The following FSIP2 variants were observed in gnomAD, a reference collection of about 807,000 sequenced individuals.
FSIP2 encodes the protein fibrous sheath interacting protein 2, also known as fibrous sheath-interacting protein 2.
A neutral mutation model predicts 510.5 loss-of-function variants in FSIP2; 367 were observed. The observed-to-expected ratio is 0.72, with a 90% CI of 0.66 to 0.78. FSIP2 has a LOEUF of 0.78. Among genes scored for constraint, FSIP2 ranks in the 30% least tolerant of loss-of-function variants. FSIP2 has a pLI of 0.00. For synonymous variants in FSIP2, 2,601 were observed against 2,732.2 expected (o/e 0.95, Z 1.50); for missense variants, 7,594 against 7,901.7 (o/e 0.96, Z 1.48).
At chr2:185,761,914 C>CT (rs1249967270) in intron 10 of FSIP2, 58 bp from the exon 11 acceptor site, 52 of 904,174 alleles carry the variant, frequency 5.8e-5, no homozygotes, top group Admixed American at 9.8e-5. Context: ...AAGGCAGAAT[C>CT]TTTTTTGGAA....
intron 13 of FSIP2, among the ~76,000 whole-genome samples, chr2:185,772,863 GTTT>G (rs1692634886): frequency 7.4e-6 from 1 of 134,978 alleles, no homozygotes; most frequent in Non-Finnish European, 1.6e-5. Flanking sequence ...TTTTGTTTTT[GTTT>G]TTTTCTTTTT....
In FSIP2 at chr2:185,738,884, C is replaced by T. The variant is rs571034329; in HGVS notation, c.-11C>T. The T allele has an allele frequency of 5.3e-4, 802 of 1,523,138 alleles. 5 individuals are homozygous for T. The Middle Eastern group carries it at 5.8e-3, about 11-fold the overall frequency. 94.4% of individuals were successfully genotyped at this position (1,523,138 alleles called of 1,614,324 possible). A position where few individuals can be genotyped will look rare whatever the true frequency, so the allele number is the denominator to read the frequency against. On this transcript the variant is annotated 5_prime_UTR_variant, in exon 1 of 23. Coordinates refer to ENST00000424728, the MANE Select transcript of FSIP2 (RefSeq NM_173651.4). ...GCGGGTGAGGAAGGGGCTGAGGGGG[C>T]TGTGCCGGCCATGGAGCTGTACCTC...
Position 185,801,859 on chromosome 2 carries a change from G to A in FSIP2, c.12553G>A (p.Val4185Ile), listed in dbSNP as rs763753277. The A allele has an allele frequency of 1.6e-5, 24 of 1,486,302 alleles. No individual in the cohort carries two copies. Among genetic ancestry groups the A allele is most frequent in the Non-Finnish European group, 2.0e-5 (22 of 1,119,860 alleles). 92.1% of individuals were successfully genotyped at this position (1,486,302 alleles called of 1,614,324 possible). A position where few individuals can be genotyped will look rare whatever the true frequency, so the allele number is the denominator to read the frequency against. The stretch of plus-strand genomic sequence containing the variant: ...AATGTCCACTTGTATAATAAATAAG[G>A]TTATGTCAGCCATTTCAAAACATAA... ...NEMSTCIINKVMSAISKHKIW... is the reference protein window; with the variant it reads ...NEMSTCIINKIMSAISKHKIW... Residue 4185 changes from valine to isoleucine, a missense_variant, in exon 17 of 23, where the codon GTT (valine) becomes ATT (isoleucine). Transcript: ENST00000424728.
chr2:185,812,934 A>G (rs1246674202), intron 17 of FSIP2, among the ~76,000 whole-genome samples: 2 of 152,042 alleles, frequency 1.3e-5, no homozygotes, highest in Admixed American at 6.6e-5. Context: ...TTATTTAATT[A>G]TAATTGTCTT....
chr2:185,773,050 G>C (rs1310513003), intron 13 of FSIP2, among the ~76,000 whole-genome samples: 1 of 151,774 alleles, frequency 6.6e-6, no homozygotes, highest in Admixed American at 6.6e-5. Context: ...TAGTACAGAT[G>C]GGGTTTTGTC....
chr2:185,747,488 A>C, intron 7 of FSIP2, 65 bp downstream of exon 7: 1 of 853,574 alleles, frequency 1.2e-6, no homozygotes, highest in South Asian at 1.5e-5. Context: ...GGTTTTTTGA[A>C]GTACAAATCA....
chr2:185,813,597 T>C lies in FSIP2; in HGVS notation c.19880T>C (p.Val6627Ala). The C allele has an allele frequency of 6.4e-7, 1 of 1,573,098 alleles. No individual in the cohort carries two copies. The highest frequency in any genetic ancestry group is 1.2e-5 in the South Asian group (1 of 84,260). ...QNIRKPDITK[V>A]ELLKDVQSKN... ...ATAAGAAAGCCTGATATTACAAAGG[T>C]GGAGCTCTTAAAAGATGTTCAAAGT... Residue 6627 changes from valine (V) to alanine (A), a missense_variant, in exon 18 of 23, where the codon GTG becomes GCG. Transcript: ENST00000424728.
rs1693106698 is a variant in FSIP2 at position 185,790,912 on chromosome 2, T to C, written c.3776T>C (p.Ile1259Thr). The C allele has an allele frequency of 2.0e-5, 30 of 1,527,450 alleles. No homozygotes were observed. The highest frequency in any genetic ancestry group is 2.5e-5 in the Non-Finnish European group (29 of 1,143,482). 94.6% of individuals were successfully genotyped at this position (1,527,450 alleles called of 1,614,324 possible). A position where few individuals can be genotyped will look rare whatever the true frequency, so the allele number is the denominator to read the frequency against. The part of the protein sequence containing the change: ...GKSEPKPVDD[I>T]NDKIIRTIFK... ...AGTGAACCTAAACCTGTAGATGACATTAATGATAAGATCATTCGTACAATT... is the reference window on the plus strand; with the variant it reads ...AGTGAACCTAAACCTGTAGATGACACTAATGATAAGATCATTCGTACAATT... The change falls in exon 16 of 23, where the codon ATT becomes ACT. Residue 1259 changes from isoleucine (I) to threonine (T), a missense_variant. Transcript: ENST00000424728.
intron 4 of FSIP2, chr2:185,745,214 G>T: frequency 3.1e-6 from 1 of 325,418 alleles, no homozygotes; most frequent in Non-Finnish European, 5.5e-6. Flanking sequence ...AACTTATTTA[G>T]AATAGGTAGA....
In FSIP2 at chr2:185,808,097, C is replaced by CT; in HGVS notation, c.18792dup (p.Gly6265TrpfsTer8). On this transcript the variant is annotated frameshift_variant, in exon 17 of 23. Coordinates refer to ENST00000424728, the MANE Select transcript of FSIP2 (RefSeq NM_173651.4). LOFTEE classifies it high-confidence loss of function. ...ATTTATACCAGTGTTTTAAAGCACTCTGGCTCTTATACTTCTGTATTTAAA... is the reference window on the plus strand; with the variant it reads ...ATTTATACCAGTGTTTTAAAGCACTCTTGGCTCTTATACTTCTGTATTTAAA... 1 of 1,606,906 alleles carries CT rather than the reference C, an allele frequency of 6.2e-7. No individual in the cohort carries two copies. Among genetic ancestry groups the CT allele is most frequent in the Non-Finnish European group, 8.5e-7 (1 of 1,177,254 alleles).
rs1445553623 is a variant in FSIP2 at position 185,763,851 on chromosome 2, CATA to C, written c.1347+568_1347+570del. Among the ~76,000 whole-genome samples, 3 of 151,676 alleles carry C rather than the reference CATA, an allele frequency of 2.0e-5. No individual in the cohort carries two copies. The South Asian group carries it at 6.2e-4, about 31-fold the overall frequency. The stretch of plus-strand genomic sequence containing the variant: ...GCATCATTTTCCATGTCCTAGAATG[CATA>C]ATAATTGAGACACTAAATTATGTAT... On this transcript the variant is annotated intron_variant, in intron 12 of 22. Transcript: ENST00000424728.
chr2:185,796,147 T>C lies in FSIP2; in HGVS notation c.9011T>C (p.Val3004Ala), dbSNP rs1286642638. Reference protein sequence around the residue: ...ETVLNMLESFVDLQFKHISKY... With the variant: ...ETVLNMLESFADLQFKHISKY... ...GTTTTAAACATGTTAGAGTCATTTG[T>C]GGACTTGCAGTTTAAACATATCTCC... The change falls in exon 16 of 23, where the codon GTG becomes GCG. Residue 3004 changes from valine to alanine, a missense_variant. By Grantham distance (64) the Val-to-Ala change is moderately conservative. Coordinates refer to ENST00000424728, the MANE Select transcript of FSIP2 (RefSeq NM_173651.4). 2.6e-6 allele frequency: 4 copies of C among 1,534,176 alleles called. No individual in the cohort carries two copies. Among genetic ancestry groups the C allele is most frequent in the Non-Finnish European group, 2.6e-6 (3 of 1,145,740 alleles).
rs1196116753 is a variant in FSIP2, at chr2:185,801,375, C to G, written c.12069C>G (p.Val4023=). 1 of 1,534,106 alleles carries G rather than the reference C, an allele frequency of 6.5e-7. No individual in the cohort carries two copies. The highest frequency in any genetic ancestry group is 2.0e-5 in the Admixed American group (1 of 50,848). ...NVVNEFNNAQ[V]TVLRNAEERL... is the part of the protein sequence containing the mutation. ...TGAATGAATTTAATAATGCTCAAGT[C>G]ACTGTTCTACGGAATGCTGAAGAAA... The change falls in exon 17 of 23, where the codon GTC becomes GTG. Residue 4023 remains valine (V), a synonymous_variant. Coordinates refer to ENST00000424728, the MANE Select transcript of FSIP2 (RefSeq NM_173651.4).
At chr2:185,750,133 C>A (rs1238564562) in intron 7 of FSIP2, among the ~76,000 whole-genome samples, 1 of 151,586 alleles carries the variant, frequency 6.6e-6, no homozygotes, top group African/African-American at 2.4e-5. Context: ...TTGCACTACC[C>A]TTCTCTGATT....
At chr2:185,823,118 G>T (rs1221855467) in intron 19 of FSIP2, among the ~76,000 whole-genome samples, 1 of 151,764 alleles carries the variant, frequency 6.6e-6, no homozygotes, top group Non-Finnish European at 1.5e-5. Flanking sequence ...TGGAAGACAT[G>T]GGAAAAAGGC....
In FSIP2 at chr2:185,790,356, T is replaced by C; in HGVS notation, c.3220T>C (p.Ser1074Pro). 6.5e-7 allele frequency: 1 copy of C among 1,531,976 alleles called. No homozygotes were observed. Among genetic ancestry groups the C allele is most frequent in the Non-Finnish European group, 8.7e-7 (1 of 1,145,012 alleles). The allele number at this position is 1,531,976 out of a possible 1,614,324, so 94.9% of individuals were successfully genotyped here. A position where few individuals can be genotyped will look rare whatever the true frequency, so the allele number is the denominator to read the frequency against. Reference sequence around the variant, plus strand: ...TTGGGAATTAAAGACTGAGCCACCATCTACTAATCATGAAGATATTTTAAA... The same window carrying C: ...TTGGGAATTAAAGACTGAGCCACCACCTACTAATCATGAAGATATTTTAAA... ...HDWELKTEPP[S>P]TNHEDILKKK... Residue 1074 changes from serine to proline, a missense_variant, in exon 16 of 23, where the codon TCT (serine) becomes CCT (proline). By Grantham distance (74) the Ser-to-Pro change is moderately conservative. Coordinates refer to ENST00000424728, the MANE Select transcript of FSIP2 (RefSeq NM_173651.4).
chr2:185,784,516 G>A (rs927046386), intron 14 of FSIP2, among the ~76,000 whole-genome samples: 10 of 152,050 alleles, frequency 6.6e-5, no homozygotes, highest in African/African-American at 2.4e-4. Context: ...GGCTTCATTT[G>A]GGATTAGAGA....
intron 22 of FSIP2, 36 bp from the exon 23 acceptor site, chr2:185,833,054 T>C (rs1321751585): frequency 1.2e-6 from 2 of 1,601,400 alleles, no homozygotes; most frequent in African/African-American, 1.3e-5. Flanking sequence ...TGTTCAAAAA[T>C]AAAGATATCA....
chr2:185,757,890 T>G (rs1692272828), intron 9 of FSIP2, among the ~76,000 whole-genome samples: 2 of 151,288 alleles, frequency 1.3e-5, no homozygotes, highest in African/African-American at 4.8e-5. Context: ...CACAATCATA[T>G]GTAGAACAGT....
Sources: gnomAD v4.1 joint callset for allele counts (sites outside exome capture counted in the v4.1 genomes callset) on GRCh38, gnomAD v4.1.1 for gene constraint, MANE v1.5 for transcripts, NCBI Gene and HGNC (gene_info 2026-07-23, HGNC 2026-07-21) for gene names.